Variants in SUGCT observed in about 807,000 individuals in gnomAD.
SUGCT encodes the protein succinyl-CoA:glutarate-CoA transferase.
Under a neutral mutation model 55.0 loss-of-function variants are expected in SUGCT, and 41 were observed. The ratio of observed to expected loss-of-function variants is 0.74; its 90% CI spans 0.58 to 0.97. SUGCT has a LOEUF of 0.97. Among genes scored for constraint, SUGCT ranks in the 50% least tolerant of loss-of-function variants. The pLI is 0.00. For missense variants in SUGCT, 568 were observed against 547.8 expected (o/e 1.04, Z -0.37); for synonymous variants, 187 against 200.4 (o/e 0.93, Z 0.56).
intron 10 of SUGCT, among the ~76,000 whole-genome samples, chr7:40,456,362 G>A (rs955735286): frequency 5.9e-5 from 9 of 152,100 alleles, no homozygotes; most frequent in African/African-American, 2.2e-4. Flanking sequence ...AATTGAATAA[G>A]GTATATGCAT....
chr7:40,965,552 C>T, the SUGCT span: 1 of 152,046 alleles, frequency 6.6e-6, no homozygotes, highest in South Asian at 2.1e-4. Flanking sequence ...GATTGTTGGC[C>T]TATTTCTAAT....
At chr7:40,205,379 C>T (rs1201563889) in intron 6 of SUGCT, among the ~76,000 whole-genome samples, 1 of 150,228 alleles carries the variant, frequency 6.7e-6, no homozygotes, top group Non-Finnish European at 1.5e-5. Flanking sequence ...CGGTGGCTCA[C>T]GCCTGTAATC....
intron 6 of SUGCT, among the ~76,000 whole-genome samples, chr7:40,233,924 A>AT (rs1236159244): frequency 1.3e-5 from 2 of 152,082 alleles, no homozygotes; most frequent in East Asian, 3.9e-4. Flanking sequence ...TTGAATCCAG[A>AT]TTTTTTTTAA....
intron 12 of SUGCT, among the ~76,000 whole-genome samples, chr7:40,527,272 A>AACACC (rs1793849657): frequency 6.6e-6 from 1 of 152,248 alleles, no homozygotes; most frequent in South Asian, 2.1e-4. Context: ...AATGTGTGGA[A>AACACC]ACACCACTCA....
At chr7:40,211,750 A>G (rs1281156351) in intron 6 of SUGCT, among the ~76,000 whole-genome samples, 2 of 152,014 alleles carry the variant, frequency 1.3e-5, no homozygotes, top group African/African-American at 4.8e-5. Context: ...GGAGCTTAAT[A>G]TGTTTTCTTC....
chr7:40,633,384 C>T (rs1283707917), intron 12 of SUGCT, among the ~76,000 whole-genome samples: 1 of 152,166 alleles, frequency 6.6e-6, no homozygotes, highest in Non-Finnish European at 1.5e-5. Context: ...TGCCAAAACA[C>T]ATTTCTTTGC....
intron 12 of SUGCT, among the ~76,000 whole-genome samples, chr7:40,518,721 C>A (rs1793378093): frequency 6.6e-6 from 1 of 151,868 alleles, no homozygotes; most frequent in Admixed American, 6.6e-5. Flanking sequence ...AGGGTGGGTA[C>A]AGGAAACCAT....
chr7:40,432,084 G>A (rs1295328000), intron 9 of SUGCT, among the ~76,000 whole-genome samples: 2 of 151,936 alleles, frequency 1.3e-5, no homozygotes, highest in Non-Finnish European at 2.9e-5. Flanking sequence ...GATGAGATTG[G>A]GCATCCTTGC....
At chr7:40,312,506 A>G (rs150662233) in intron 8 of SUGCT, among the ~76,000 whole-genome samples, 70 of 152,100 alleles carry the variant, frequency 4.6e-4, no homozygotes, top group Middle Eastern at 6.8e-3. Flanking sequence ...TTCATTTGGT[A>G]TGGGGTGGGT....
chr7:41,024,423 G>A, the SUGCT span, among the ~76,000 whole-genome samples: 1 of 152,106 alleles, frequency 6.6e-6, no homozygotes, highest in Admixed American at 6.5e-5. Context: ...CACAGACTAG[G>A]AGAAGAAACT....
At chr7:40,266,697 A>G (rs927062496) in intron 7 of SUGCT, among the ~76,000 whole-genome samples, 2 of 152,050 alleles carry the variant, frequency 1.3e-5, no homozygotes, top group African/African-American at 4.8e-5. Flanking sequence ...ACATGAATGA[A>G]TGGGGGATGA....
chr7:41,022,180 A>G, the SUGCT span, among the ~76,000 whole-genome samples: 234 of 152,310 alleles, frequency 1.5e-3, 1 homozygote, highest in Non-Finnish European at 2.5e-3. Context: ...ACTGCCAAAG[A>G]CAGGCAGAAG....
chr7:40,312,126 G>A (rs1298905190), intron 8 of SUGCT, among the ~76,000 whole-genome samples: 1 of 150,046 alleles, frequency 6.7e-6, no homozygotes, highest in East Asian at 2.0e-4. Context: ...CGCAACCTCT[G>A]CTTCCCGGGT....
At chr7:40,322,724 G>A (rs971949215) in intron 9 of SUGCT, among the ~76,000 whole-genome samples, 1 of 152,136 alleles carries the variant, frequency 6.6e-6, no homozygotes, top group African/African-American at 2.4e-5. Context: ...CTACTGATGC[G>A]GGAGGATTGT....
chr7:40,713,616 A>C (rs1025078023), intron 12 of SUGCT, among the ~76,000 whole-genome samples: 6 of 152,188 alleles, frequency 3.9e-5, no homozygotes, highest in African/African-American at 1.2e-4. Flanking sequence ...GCCACCTGTA[A>C]ATTTGTGTTT....
At chr7:40,753,823 T>A (rs1025073221) in intron 13 of SUGCT, among the ~76,000 whole-genome samples, 1 of 152,208 alleles carries the variant, frequency 6.6e-6, no homozygotes, top group African/African-American at 2.4e-5. Context: ...ATTATTTACC[T>A]CTTAAAAATC....
At chr7:40,196,812 A>G (rs746325780) in intron 6 of SUGCT, among the ~76,000 whole-genome samples, 1 of 152,084 alleles carries the variant, frequency 6.6e-6, no homozygotes, top group East Asian at 1.9e-4. Context: ...AATGCAGAGC[A>G]CATGATAGGG....
At chr7:40,436,025 C>T (rs1788160169) in intron 9 of SUGCT, among the ~76,000 whole-genome samples, 1 of 150,466 alleles carries the variant, frequency 6.6e-6, no homozygotes, top group Non-Finnish European at 1.5e-5. Context: ...CTCACTGGAA[C>T]CTCTGCCTCC....
chr7:40,804,076 G>T (rs1031934926), intron 13 of SUGCT, among the ~76,000 whole-genome samples: 1 of 152,120 alleles, frequency 6.6e-6, no homozygotes, highest in South Asian at 2.1e-4. Context: ...ATTATTCTTT[G>T]TCGCAAAGGG....
Sources: gnomAD v4.1 joint callset for allele counts (sites outside exome capture counted in the v4.1 genomes callset) on GRCh38, gnomAD v4.1.1 for gene constraint, MANE v1.5 for transcripts, NCBI Gene and HGNC (gene_info 2026-07-23, HGNC 2026-07-21) for gene names.